The following USP31 variants were observed in gnomAD, a reference collection of about 807,000 sequenced individuals.
USP31 encodes ubiquitin specific peptidase 31, also known as ubiquitin carboxyl-terminal hydrolase 31.
A neutral mutation model predicts 119.4 loss-of-function variants in USP31; 44 were observed. The observed-to-expected ratio is 0.37, with a 90% CI of 0.29 to 0.47. The LOEUF is 0.47. Ranked by LOEUF, USP31 falls within the 20% of genes least tolerant of loss-of-function variation. USP31 has a pLI of 0.99. For missense variants in USP31, 1,643 were observed against 1,730.2 expected (o/e 0.95, Z 0.89); for synonymous variants, 749 against 705.6 (o/e 1.06, Z -0.97).
At position 23,105,543 on chromosome 16, in the gene USP31, T is replaced by C. The variant is rs1278171330; in HGVS notation, c.987A>G (p.Lys329=). ...CACCAATCCTCATGCAGTGAGAACA[T>C]TTGCCTTGATACACTACAGTGACAT... is the stretch of plus-strand genomic sequence containing the variant. ...PLYVTVVYQG[K]CSHCMRIGVA... Residue 329 remains lysine (K), a synonymous_variant, in exon 5 of 16, where the codon AAA becomes AAG. Transcript: ENST00000219689. 3.7e-6 allele frequency: 6 copies of C among 1,614,062 alleles called. No homozygotes were observed. Among genetic ancestry groups the C allele is most frequent in the Non-Finnish European group, 5.1e-6 (6 of 1,179,980 alleles).
At position 23,149,278 on chromosome 16, in the gene USP31, G is replaced by A. The variant is rs1052685875; in HGVS notation, c.-8C>T. On this transcript the variant is annotated 5_prime_UTR_variant, in exon 1 of 16. Transcript: ENST00000219689. The stretch of plus-strand genomic sequence containing the variant: ...CGCCGTTACCTTGGACATGGCGGCG[G>A]CCGCAGACACTCATCACCGCGCCCG... 5 of 1,074,336 alleles carry A rather than the reference G, an allele frequency of 4.7e-6. No homozygotes were observed. The highest frequency in any genetic ancestry group is 8.7e-5 in the South Asian group (2 of 23,034). 66.6% of individuals were successfully genotyped at this position (1,074,336 alleles called of 1,614,324 possible). A position where few individuals can be genotyped will look rare whatever the true frequency, so the allele number is the denominator to read the frequency against.
chr16:23,149,243 C>G lies in USP31; in HGVS notation c.28G>C (p.Gly10Arg), dbSNP rs1454861471. The change falls in exon 1 of 16, where the codon GGG becomes CGG. Residue 10 changes from glycine (G) to arginine (R), a missense_variant. Gly to Arg is a moderately radical substitution (Grantham distance 125). Transcript: ENST00000219689. MSKVTAPGS[G>R]PPAAASGKEK... The stretch of plus-strand genomic sequence containing the variant: ...TTCCCGCTCGCCGCCGCCGGCGGCC[C>G]GGACCCAGGCGCCGTTACCTTGGAC... The G allele has an allele frequency of 9.0e-7, 1 of 1,116,206 alleles. No homozygotes were observed. The highest frequency in any genetic ancestry group is 1.1e-6 in the Non-Finnish European group (1 of 914,166). 69.1% of individuals were successfully genotyped at this position (1,116,206 alleles called of 1,614,324 possible). A position where few individuals can be genotyped will look rare whatever the true frequency, so the allele number is the denominator to read the frequency against.
At chr16:23,143,701 T>C (rs1903422247) in intron 1 of USP31, among the ~76,000 whole-genome samples, 1 of 152,036 alleles carries the variant, frequency 6.6e-6, no homozygotes, top group African/African-American at 2.4e-5. Context: ...CTCCAAACAG[T>C]TTCTCAGCCT....
rs144949235 is a variant in USP31 at position 23,093,477 on chromosome 16, A to G, written c.1235-2673T>C. 1.8e-4 allele frequency among the ~76,000 whole-genome samples: 27 copies of G among 152,364 alleles called. No homozygotes were observed. In the East Asian group the frequency reaches 3.9e-3, roughly 22 times the overall value. On this transcript the variant is annotated intron_variant, in intron 6 of 15. Transcript: ENST00000219689. ...TAGAGAAATGCAAGTCAAAACCTCAATGAAGTAACACTTCACATTCACCAG... is the reference window on the plus strand; with the variant it reads ...TAGAGAAATGCAAGTCAAAACCTCAGTGAAGTAACACTTCACATTCACCAG...
At chr16:23,106,355 T>C (rs1349112756) in intron 3 of USP31, 44 bp downstream of exon 3, 8 of 1,613,680 alleles carry the variant, frequency 5.0e-6, no homozygotes, top group South Asian at 2.2e-5. Flanking sequence ...CCCAGAACGA[T>C]GTCAGGTAAA....
At position 23,068,128 on chromosome 16, in the gene USP31, C is replaced by G; in HGVS notation, c.3977G>C (p.Gly1326Ala). The G allele has an allele frequency of 1.2e-6, 2 of 1,614,206 alleles. No individual in the cohort carries two copies. The highest frequency in any genetic ancestry group is 1.7e-6 in the Non-Finnish European group (2 of 1,180,044). Residue 1326 changes from glycine (G) to alanine (A), a missense_variant, in exon 16 of 16, where the codon GGC (glycine) becomes GCC (alanine). Coordinates refer to ENST00000219689, the MANE Select transcript of USP31 (RefSeq NM_020718.4). Reference sequence around the variant, plus strand: ...TGAGGATTTCTCTGCAGACTGCCTGCCACCCGGAGACGAGGGAACTCCAGA... The same window carrying G: ...TGAGGATTTCTCTGCAGACTGCCTGGCACCCGGAGACGAGGGAACTCCAGA... Reference protein sequence around the residue: ...LDSGVPSSPGGRQSAEKSSKK... With the variant: ...LDSGVPSSPGARQSAEKSSKK...
intron 1 of USP31, among the ~76,000 whole-genome samples, chr16:23,109,475 A>C (rs1462356946): frequency 6.6e-6 from 1 of 152,204 alleles, no homozygotes; most frequent in African/African-American, 2.4e-5. Flanking sequence ...ATGAACAAAT[A>C]GGGAGAAGAG....
At chr16:23,126,420 G>A (rs1902857501) in intron 1 of USP31, among the ~76,000 whole-genome samples, 1 of 150,430 alleles carries the variant, frequency 6.6e-6, no homozygotes, top group Non-Finnish European at 1.5e-5. Flanking sequence ...GTCAGGAGAT[G>A]GAGACCATCC....
intron 1 of USP31, among the ~76,000 whole-genome samples, chr16:23,113,540 A>C (rs1322649545): frequency 1.3e-5 from 2 of 152,204 alleles, no homozygotes; most frequent in Non-Finnish European, 2.9e-5. Context: ...AGAAAAGGCA[A>C]GTCAGGCAGG....
rs1335818526 is a variant in USP31 at position 23,068,128 on chromosome 16, CCACCCGGAGACGAGGGAA to C, written c.3959_3976del (p.Val1320_Gly1325del). Reference sequence around the variant, plus strand: ...TGAGGATTTCTCTGCAGACTGCCTGCCACCCGGAGACGAGGGAACTCCAGAGTCTAGTTGGGAAGACTT... The same window carrying C: ...TGAGGATTTCTCTGCAGACTGCCTGCCTCCAGAGTCTAGTTGGGAAGACTT... On this transcript the variant is annotated inframe_deletion, in exon 16 of 16. Coordinates refer to ENST00000219689, the MANE Select transcript of USP31 (RefSeq NM_020718.4). The C allele has an allele frequency of 1.9e-6, 3 of 1,614,088 alleles. No homozygotes were observed. The African/African-American group carries it at 4.0e-5, about 22-fold the overall frequency.
intron 1 of USP31, among the ~76,000 whole-genome samples, chr16:23,146,862 T>C (rs1903524808): frequency 6.6e-6 from 1 of 152,070 alleles, no homozygotes; most frequent in Non-Finnish European, 1.5e-5. Context: ...CCAGTACCTT[T>C]TGCCATGAAT....
At chr16:23,105,704 A>C in intron 4 of USP31, 128 bp from the exon 5 acceptor site, 1 of 1,095,466 alleles carries the variant, frequency 9.1e-7, no homozygotes. Flanking sequence ...TCGGAAGCCC[A>C]AATGGAAAAA....
At chr16:23,115,749 AG>A in intron 1 of USP31, 2 of 982,300 alleles carry the variant, frequency 2.0e-6, no homozygotes, top group Admixed American at 1.2e-4. Flanking sequence ...ATAAAGTAAA[AG>A]GCAAAACACT....
At chr16:23,082,754 T>C (rs1164739841) in intron 11 of USP31, among the ~76,000 whole-genome samples, 197 bp from the exon 12 acceptor site, 4 of 151,792 alleles carry the variant, frequency 2.6e-5, no homozygotes, top group Admixed American at 6.6e-5. Context: ...GTTTGTTGAA[T>C]AGATTATCCC....
chr16:23,075,502 T>C (rs1900529037), intron 13 of USP31, among the ~76,000 whole-genome samples: 2 of 152,190 alleles, frequency 1.3e-5, no homozygotes, highest in Non-Finnish European at 2.9e-5. Flanking sequence ...TCTAGGCCAG[T>C]GCTACTAGAA....
chr16:23,142,144 A>G (rs1182938033), intron 1 of USP31, among the ~76,000 whole-genome samples: 1 of 152,260 alleles, frequency 6.6e-6, no homozygotes, highest in Admixed American at 6.5e-5. Flanking sequence ...TATGGAGTTC[A>G]TAATTATCCC....
At chr16:23,123,249 GA>G (rs953114529) in intron 1 of USP31, among the ~76,000 whole-genome samples, 2 of 152,130 alleles carry the variant, frequency 1.3e-5, no homozygotes, top group Non-Finnish European at 2.9e-5. Flanking sequence ...TCAAAAAGTT[GA>G]CATTAGGCTG....
intron 13 of USP31, among the ~76,000 whole-genome samples, chr16:23,078,538 G>A (rs543061401): frequency 2.0e-5 from 3 of 152,064 alleles, no homozygotes; most frequent in Admixed American, 6.5e-5. Flanking sequence ...CCTCCAGCAC[G>A]CTCTGGCCAC....
At chr16:23,086,044 G>A (rs1901095001) in intron 9 of USP31, among the ~76,000 whole-genome samples, 1 of 152,016 alleles carries the variant, frequency 6.6e-6, no homozygotes, top group Non-Finnish European at 1.5e-5. Context: ...GTCGCCCCTT[G>A]CACCTTTCCA....
Sources: allele counts gnomAD v4.1 joint callset (sites outside exome capture counted in the v4.1 genomes callset), GRCh38; gene constraint gnomAD v4.1.1; transcripts MANE v1.5; gene names NCBI Gene and HGNC (gene_info 2026-07-23, HGNC 2026-07-21).